ZNF560: variants seen among roughly 807,000 people sequenced by gnomAD.
ZNF560 encodes the protein zinc finger protein 560.
A neutral mutation model predicts 81.8 loss-of-function variants in ZNF560; 54 were observed. That is an observed-to-expected ratio of 0.66 (90% CI 0.53 to 0.83). ZNF560 has a LOEUF of 0.83. ZNF560 is among the 40% of genes least tolerant of loss of function. The pLI is 0.00. For missense variants in ZNF560, 940 were observed against 932.4 expected (o/e 1.01, Z -0.11); for synonymous variants, 321 against 317.9 (o/e 1.01, Z -0.10).
chr19:9,454,317 C>T, the ZNF560 span, among the ~76,000 whole-genome samples: 1 of 152,298 alleles, frequency 6.6e-6, no homozygotes, highest in African/African-American at 2.4e-5. Flanking sequence ...CCACATTGCA[C>T]TCTCTTTTTG....
At chr19:9,457,532 T>G in the ZNF560 span, among the ~76,000 whole-genome samples, 1 of 152,228 alleles carries the variant, frequency 6.6e-6, no homozygotes, top group African/African-American at 2.4e-5. Context: ...ACATTATTCA[T>G]CATATGGATG....
chr19:9,488,001 G>T (rs922590670), intron 2 of ZNF560, among the ~76,000 whole-genome samples: 1 of 152,110 alleles, frequency 6.6e-6, no homozygotes, highest in Admixed American at 6.6e-5. Flanking sequence ...GTTGAGGCTT[G>T]GTCCTCAATA....
intron 2 of ZNF560, among the ~76,000 whole-genome samples, chr19:9,486,180 G>A (rs1395512853): frequency 6.6e-6 from 1 of 152,184 alleles, no homozygotes; most frequent in Non-Finnish European, 1.5e-5. Flanking sequence ...TCCTGGAGAA[G>A]AACAGGATAA....
At chr19:9,469,911 C>A in intron 7 of ZNF560, 1 of 541,328 alleles carries the variant, frequency 1.8e-6, no homozygotes, top group Non-Finnish European at 3.3e-6. Context: ...TCCTGTTTGC[C>A]CCAAGAAACA....
At chr19:9,450,257 C>G in the ZNF560 span, among the ~76,000 whole-genome samples, 1 of 151,198 alleles carries the variant, frequency 6.6e-6, no homozygotes, top group East Asian at 2.0e-4. Flanking sequence ...CGCTATTGCA[C>G]TCCAGCCTGG....
chr19:9,457,150 C>T, the ZNF560 span, among the ~76,000 whole-genome samples: 4 of 152,168 alleles, frequency 2.6e-5, no homozygotes, highest in African/African-American at 9.7e-5. Context: ...CAAACTCTCT[C>T]CCCTTGGAAT....
the ZNF560 span, among the ~76,000 whole-genome samples, chr19:9,453,000 G>A: frequency 3.9e-5 from 6 of 152,082 alleles, no homozygotes; most frequent in Admixed American, 1.3e-4. Flanking sequence ...ACTCTTCCCC[G>A]CACAATGTTC....
intron 2 of ZNF560, among the ~76,000 whole-genome samples, chr19:9,483,575 G>A (rs539301382): frequency 0.081 from 11,363 of 140,124 alleles, 754 homozygotes; most frequent in South Asian, 0.17. Flanking sequence ...CCGTCCGGGA[G>A]GGGGGTGGGG....
the ZNF560 span, among the ~76,000 whole-genome samples, chr19:9,456,909 G>C: frequency 6.6e-6 from 1 of 152,116 alleles, no homozygotes; most frequent in African/African-American, 2.4e-5. Flanking sequence ...TATGTCCATG[G>C]TATGGAACTA....
At chr19:9,454,427 G>T in the ZNF560 span, among the ~76,000 whole-genome samples, 2 of 152,158 alleles carry the variant, frequency 1.3e-5, no homozygotes, top group East Asian at 3.9e-4. Context: ...AACCCGGGTC[G>T]AAGGGTCGCC....
At chr19:9,469,577 C>T in intron 8 of ZNF560, 53 bp downstream of exon 8, 1 of 1,535,968 alleles carries the variant, frequency 6.5e-7, no homozygotes, top group East Asian at 2.2e-5. Flanking sequence ...ATTGTGCTTC[C>T]AAACGTACTG....
At chr19:9,498,650 TG>T (rs2073601621), upstream of ZNF560, 1 of 152,262 alleles carries the variant, frequency 6.6e-6, no homozygotes, top group Admixed American at 6.5e-5. Flanking sequence ...TTTGGGGCAT[TG>T]GAAGGGGCGT....
intron 2 of ZNF560, among the ~76,000 whole-genome samples, chr19:9,480,048 G>C (rs2073262385): frequency 6.6e-6 from 1 of 152,102 alleles, no homozygotes; most frequent in South Asian, 2.1e-4. Flanking sequence ...ACCCTACTTT[G>C]AACAACGGAC....
At chr19:9,494,064 G>A (rs1213748428) in intron 2 of ZNF560, among the ~76,000 whole-genome samples, 6 of 150,844 alleles carry the variant, frequency 4.0e-5, no homozygotes, top group Middle Eastern at 3.4e-3. Context: ...CCTGGGAGGC[G>A]GAGGTTGCAG....
At chr19:9,451,298 G>T in the ZNF560 span, among the ~76,000 whole-genome samples, 4 of 152,120 alleles carry the variant, frequency 2.6e-5, no homozygotes, top group Admixed American at 2.0e-4. Context: ...ATGGATCAAG[G>T]TTAAAAAATA....
At chr19:9,472,284 G>C (rs1403136323) in intron 5 of ZNF560, among the ~76,000 whole-genome samples, 3 of 152,138 alleles carry the variant, frequency 2.0e-5, no homozygotes, top group Admixed American at 2.0e-4. Flanking sequence ...GGAGTAATAA[G>C]TGAGTTCTTG....
chr19:9,463,539 C>T (rs906122956), downstream of ZNF560, among the ~76,000 whole-genome samples: 4 of 152,196 alleles, frequency 2.6e-5, no homozygotes, highest in African/African-American at 9.7e-5. Flanking sequence ...GACTAATCTG[C>T]GTCTTTTGTG....
intron 2 of ZNF560, among the ~76,000 whole-genome samples, chr19:9,478,073 G>A (rs551162991): frequency 1.3e-5 from 2 of 152,088 alleles, no homozygotes; most frequent in South Asian, 4.2e-4. Flanking sequence ...ATCCAAACAA[G>A]GCTACCCTAA....
the ZNF560 span, among the ~76,000 whole-genome samples, chr19:9,453,547 T>A: frequency 6.6e-6 from 1 of 152,090 alleles, no homozygotes; most frequent in Non-Finnish European, 1.5e-5. Flanking sequence ...TCAGAAAATA[T>A]AAACATTGAG....
Sources: gnomAD v4.1 joint callset for allele counts (sites outside exome capture counted in the v4.1 genomes callset) on GRCh38, gnomAD v4.1.1 for gene constraint, MANE v1.5 for transcripts, NCBI Gene and HGNC (gene_info 2026-07-23, HGNC 2026-07-21) for gene names.